ADAMTSL1: variants seen among roughly 807,000 people sequenced by gnomAD.
ADAMTSL1 encodes the protein ADAMTS-like protein 1.
Under a neutral mutation model 201.8 loss-of-function variants are expected in ADAMTSL1, and 126 were observed. The observed-to-expected ratio is 0.62, with a 90% CI of 0.54 to 0.72. The LOEUF is 0.72. Ranked by LOEUF, ADAMTSL1 falls within the 30% of genes least tolerant of loss-of-function variation. The pLI is 0.00. For synonymous variants in ADAMTSL1, 1,121 were observed against 903.4 expected (o/e 1.24, Z -4.32); for missense variants, 2,679 against 2,277.8 (o/e 1.18, Z -3.59).
At chr9:18,762,252 G>C (rs1236085618) in intron 16 of ADAMTSL1, among the ~76,000 whole-genome samples, 1 of 152,178 alleles carries the variant, frequency 6.6e-6, no homozygotes, top group Non-Finnish European at 1.5e-5. Context: ...TTATAGAAGA[G>C]ATAAGATACC....
At chr9:18,005,618 C>T (rs537884575) in intron 1 of ADAMTSL1, among the ~76,000 whole-genome samples, 1 of 152,172 alleles carries the variant, frequency 6.6e-6, no homozygotes, top group South Asian at 2.1e-4. Context: ...GTCTACATTA[C>T]CAACCAAGTA....
chr9:18,842,658 G>C (rs1242089247), intron 23 of ADAMTSL1, among the ~76,000 whole-genome samples: 1 of 151,804 alleles, frequency 6.6e-6, no homozygotes, highest in Non-Finnish European at 1.5e-5. Context: ...TCCCATTATT[G>C]TGTGGGAGTC....
intron 3 of ADAMTSL1, among the ~76,000 whole-genome samples, chr9:18,546,287 A>T (rs1368727666): frequency 6.6e-6 from 1 of 152,104 alleles, no homozygotes; most frequent in African/African-American, 2.4e-5. Flanking sequence ...CACAGTGGGA[A>T]GGCTAAAGAG....
intron 1 of ADAMTSL1, among the ~76,000 whole-genome samples, chr9:18,119,324 T>C (rs1411570542): frequency 3.3e-5 from 5 of 152,082 alleles, no homozygotes; most frequent in Non-Finnish European, 7.4e-5. Flanking sequence ...ATGGAGTCTC[T>C]CTCTGCCACC....
chr9:18,245,299 A>G (rs570975975), intron 2 of ADAMTSL1, among the ~76,000 whole-genome samples: 1 of 152,298 alleles, frequency 6.6e-6, no homozygotes, highest in East Asian at 1.9e-4. Context: ...TATTGTTTTG[A>G]CGTTCAATCA....
At chr9:18,052,226 G>A (rs1355232710) in intron 1 of ADAMTSL1, among the ~76,000 whole-genome samples, 1 of 152,196 alleles carries the variant, frequency 6.6e-6, no homozygotes, top group South Asian at 2.1e-4. Flanking sequence ...GGAGCTTACA[G>A]TCTAGACCAG....
intron 2 of ADAMTSL1, among the ~76,000 whole-genome samples, chr9:18,382,572 C>T (rs918242142): frequency 2.6e-5 from 4 of 151,678 alleles, no homozygotes; most frequent in Admixed American, 1.3e-4. Context: ...ATGGAGTCTT[C>T]GAGTACAGCA....
At chr9:18,493,233 C>T (rs545471273) in intron 1 of ADAMTSL1, among the ~76,000 whole-genome samples, 25 of 152,274 alleles carry the variant, frequency 1.6e-4, no homozygotes, top group African/African-American at 5.5e-4. Context: ...TTCAGATTTG[C>T]TTCTATCAGG....
At chr9:18,180,365 C>T (rs1168899560) in intron 2 of ADAMTSL1, among the ~76,000 whole-genome samples, 2 of 151,898 alleles carry the variant, frequency 1.3e-5, no homozygotes, top group African/African-American at 4.8e-5. Context: ...AACCCCGTCT[C>T]TACTAAAAAT....
At chr9:18,602,353 G>T (rs1412121153) in intron 4 of ADAMTSL1, among the ~76,000 whole-genome samples, 1 of 152,180 alleles carries the variant, frequency 6.6e-6, no homozygotes, top group Non-Finnish European at 1.5e-5. Context: ...CTCTTCTTTA[G>T]CCAAAAGTTC....
intron 1 of ADAMTSL1, among the ~76,000 whole-genome samples, chr9:17,948,062 A>G (rs1827581110): frequency 6.6e-6 from 1 of 152,270 alleles, no homozygotes; most frequent in Non-Finnish European, 1.5e-5. Context: ...TTTATGTTAC[A>G]TGCTCATCAT....
rs1448358026 is a variant in ADAMTSL1 at position 17,946,142 on chromosome 9, C to T, written c.87+39220C>T. ...CAGAATTGAATGAAATAGCATCTCT[C>T]ATGACCACCATGCCCAGCTATTTTT... On this transcript the variant is annotated intron_variant, in intron 1 of 29. Transcript: ENST00000680146. 4.7e-5 allele frequency among the ~76,000 whole-genome samples: 7 copies of T among 150,320 alleles called. No individual in the cohort carries two copies. The South Asian group carries it at 6.4e-4, about 14-fold the overall frequency.
rs747377051 is a variant in ADAMTSL1, at chr9:18,776,873, G to A, written c.2644G>A (p.Val882Met). 4 of 1,611,074 alleles carry A rather than the reference G, an allele frequency of 2.5e-6. No homozygotes were observed. The highest frequency in any genetic ancestry group is 1.7e-5 in the Admixed American group (1 of 59,716). Residue 882 changes from valine (V) to methionine (M), a missense_variant, in exon 19 of 29, where the codon GTG becomes ATG. Coordinates refer to ENST00000380548, the MANE Select transcript of ADAMTSL1 (RefSeq NM_001040272.6). ...QTRRQRKLHFVVGGFAYLLPK... is the reference protein window; with the variant it reads ...QTRRQRKLHFMVGGFAYLLPK... ...TCGCAGGCAGAGGAAGCTGCACTTCGTGGTGGGGGGCTTCGCCTACCTGCT... is the reference window on the plus strand; with the variant it reads ...TCGCAGGCAGAGGAAGCTGCACTTCATGGTGGGGGGCTTCGCCTACCTGCT...
At chr9:18,604,214 G>A (rs999267030) in intron 4 of ADAMTSL1, among the ~76,000 whole-genome samples, 3 of 152,326 alleles carry the variant, frequency 2.0e-5, no homozygotes, top group Middle Eastern at 6.8e-3. Flanking sequence ...AATAAGGAAG[G>A]GGCATAGGCT....
At chr9:18,219,041 A>T (rs1406257375) in intron 2 of ADAMTSL1, among the ~76,000 whole-genome samples, 3 of 151,988 alleles carry the variant, frequency 2.0e-5, no homozygotes, top group Admixed American at 6.6e-5. Flanking sequence ...TTTCATAAAT[A>T]TGTATGAATA....
chr9:18,209,067 A>G (rs1829764245), intron 2 of ADAMTSL1, among the ~76,000 whole-genome samples: 1 of 152,150 alleles, frequency 6.6e-6, no homozygotes, highest in Admixed American at 6.6e-5. Context: ...ATTTAGGTTT[A>G]CAGTATGCCA....
chr9:18,904,830 C>T (rs1342798832), intron 26 of ADAMTSL1, among the ~76,000 whole-genome samples: 9 of 145,618 alleles, frequency 6.2e-5, no homozygotes, highest in East Asian at 2.1e-4. Flanking sequence ...AGCAATAATT[C>T]GCCTTGGGCA....
chr9:18,542,892 T>A (rs1758506405), intron 3 of ADAMTSL1, among the ~76,000 whole-genome samples: 1 of 152,180 alleles, frequency 6.6e-6, no homozygotes, highest in Admixed American at 6.5e-5. Flanking sequence ...CATGGGTAAT[T>A]TCTCCTGATT....
intron 17 of ADAMTSL1, 92 bp from the exon 18 acceptor site, chr9:18,775,651 T>G: frequency 6.7e-7 from 1 of 1,492,362 alleles, no homozygotes; most frequent in Non-Finnish European, 9.1e-7. Flanking sequence ...TCCAAGCAAA[T>G]TTCTCATATT....
Sources: gnomAD v4.1 joint callset for allele counts (sites outside exome capture counted in the v4.1 genomes callset) on GRCh38, gnomAD v4.1.1 for gene constraint, MANE v1.5 for transcripts, NCBI Gene and HGNC (gene_info 2026-07-23, HGNC 2026-07-21) for gene names.